The following LRRN2 variants were observed in gnomAD, a reference collection of about 807,000 sequenced individuals.
The protein encoded by LRRN2 is leucine-rich repeat neuronal protein 2.
In LRRN2, 10 loss-of-function variants were observed where a neutral mutation model predicts 35.7. That is an observed-to-expected ratio of 0.28 (90% CI 0.17 to 0.47). The LOEUF is 0.47. Ranked by LOEUF, LRRN2 falls within the 20% of genes least tolerant of loss-of-function variation. LRRN2 has a pLI of 0.99. For missense variants in LRRN2, 731 were observed against 940.3 expected, an observed-to-expected ratio of 0.78 and a Z score of 2.91; for synonymous variants, 391 against 409.6, an observed-to-expected ratio of 0.95 and a Z score of 0.55.
At chr1:204,647,437 C>T (rs1002589881) in intron 1 of LRRN2, among the ~76,000 whole-genome samples, 6 of 152,112 alleles carry the variant, frequency 3.9e-5, no homozygotes, top group African/African-American at 1.4e-4. Flanking sequence ...TTCAACAGGG[C>T]CAAAAAAGCA....
intron 1 of LRRN2, among the ~76,000 whole-genome samples, chr1:204,671,095 T>C (rs1440590979): frequency 6.6e-6 from 1 of 152,146 alleles, no homozygotes; most frequent in Non-Finnish European, 1.5e-5. Context: ...ATGGCCATGC[T>C]GTGGCCTCTG....
chr1:204,635,066 T>C (rs1485460200), intron 1 of LRRN2, among the ~76,000 whole-genome samples: 2 of 152,208 alleles, frequency 1.3e-5, no homozygotes, highest in African/African-American at 4.8e-5. Context: ...ATTGGTCAGG[T>C]GGGCAGGAAG....
chr1:204,669,525 G>A (rs1192941700), intron 1 of LRRN2, among the ~76,000 whole-genome samples: 2 of 152,240 alleles, frequency 1.3e-5, no homozygotes, highest in East Asian at 1.9e-4. Context: ...ATCATCATGT[G>A]TGTTATGAAG....
intron 1 of LRRN2, among the ~76,000 whole-genome samples, chr1:204,674,350 C>T (rs1026956968): frequency 2.0e-5 from 3 of 151,916 alleles, no homozygotes; most frequent in African/African-American, 7.3e-5. Flanking sequence ...TCCTGCCAAG[C>T]TCTGCAAATT....
rs777462040 is a variant in LRRN2 at position 204,619,947 on chromosome 1, C to T, written c.46G>A (p.Ala16Thr). 5.0e-6 allele frequency: 8 copies of T among 1,612,904 alleles called. No individual in the cohort carries two copies. In the East Asian group the frequency reaches 1.6e-4, roughly 31 times the overall value. Residue 16 changes from alanine to threonine, a missense_variant, in exon 2 of 2, where the codon GCC (alanine) becomes ACC (threonine). Physicochemically the swap from Ala to Thr is moderately conservative, Grantham distance 58 (BLOSUM62 0). Transcript: ENST00000367177. The stretch of plus-strand genomic sequence containing the variant: ...GGTACCACGGGCACAGCGGCAGTGG[C>T]ACCAGCCACCCAAGCTAGCAAGAGT... ...APLLLAWVAG[A>T]TAAVPVVPWH...
chr1:204,658,935 C>T (rs543231450), intron 1 of LRRN2, among the ~76,000 whole-genome samples: 1 of 152,350 alleles, frequency 6.6e-6, no homozygotes, highest in East Asian at 1.9e-4. Context: ...TCCCTCCTTG[C>T]TACTGTCATT....
chr1:204,626,940 TTC>T (rs1385712836), intron 1 of LRRN2: 1 of 145,760 alleles, frequency 6.9e-6, no homozygotes, highest in Non-Finnish European at 1.5e-5. Flanking sequence ...ACAAGGCTTT[TTC>T]TTTTTTCTTT....
intron 1 of LRRN2, among the ~76,000 whole-genome samples, chr1:204,651,790 C>T (rs1668230706): frequency 1.3e-5 from 2 of 152,182 alleles, no homozygotes; most frequent in South Asian, 4.1e-4. Flanking sequence ...AAAACTCTTT[C>T]AAATGGGGAC....
intron 1 of LRRN2, among the ~76,000 whole-genome samples, chr1:204,638,791 G>A (rs1667909886): frequency 6.6e-6 from 1 of 152,058 alleles, no homozygotes; most frequent in Non-Finnish European, 1.5e-5. Flanking sequence ...GCCCCATGAT[G>A]CCTAATCTGT....
At chr1:204,632,997 A>ACAAAATC (rs1667748003) in intron 1 of LRRN2, 1 of 152,134 alleles carries the variant, frequency 6.6e-6, no homozygotes. Flanking sequence ...AATATATCCC[A>ACAAAATC]CAAAATCCAT....
chr1:204,621,895 C>T (rs1388168294), intron 1 of LRRN2: 2 of 167,128 alleles, frequency 1.2e-5, no homozygotes, highest in African/African-American at 4.8e-5. Flanking sequence ...TGAGCACCTA[C>T]CATTGCTCAG....
intron 1 of LRRN2, among the ~76,000 whole-genome samples, chr1:204,657,392 A>G (rs1289067269): frequency 6.6e-6 from 1 of 150,566 alleles, no homozygotes; most frequent in Non-Finnish European, 1.5e-5. Context: ...TATCCATACA[A>G]TGCAATAATA....
At chr1:204,621,081 T>C (rs886453464) in intron 1 of LRRN2, 2 of 167,048 alleles carry the variant, frequency 1.2e-5, no homozygotes, top group African/African-American at 4.8e-5. Flanking sequence ...TGGGTGGGGA[T>C]ATTGCTTTGG....
intron 1 of LRRN2, chr1:204,629,727 TTATC>T (rs1297686198): frequency 6.1e-6 from 1 of 163,908 alleles, no homozygotes; most frequent in Non-Finnish European, 1.3e-5. Context: ...AGATATGTCT[TTATC>T]AGCAGTGTGA....
intron 1 of LRRN2, among the ~76,000 whole-genome samples, chr1:204,630,034 C>T (rs1333143622): frequency 6.6e-6 from 1 of 152,166 alleles, no homozygotes; most frequent in African/African-American, 2.4e-5. Flanking sequence ...CTCCAAACCC[C>T]AGCATCATGC....
chr1:204,637,894 A>G (rs538935290), intron 1 of LRRN2, among the ~76,000 whole-genome samples: 40 of 152,354 alleles, frequency 2.6e-4, no homozygotes, highest in African/African-American at 9.4e-4. Context: ...CTGGCAGCAG[A>G]CAAACTTTGT....
At chr1:204,629,464 C>T (rs780938197) in intron 1 of LRRN2, 13 of 153,056 alleles carry the variant, frequency 8.5e-5, no homozygotes, top group African/African-American at 2.7e-4. Flanking sequence ...AATTGTACTC[C>T]CATAATTCCC....
At chr1:204,673,704 G>A (rs1321936963) in intron 1 of LRRN2, among the ~76,000 whole-genome samples, 1 of 152,230 alleles carries the variant, frequency 6.6e-6, no homozygotes, top group African/African-American at 2.4e-5. Flanking sequence ...AAATCGTTCT[G>A]AGGTTGGCTA....
Position 204,619,166 on chromosome 1 carries a change from A to G in LRRN2, c.827T>C (p.Val276Ala). Residue 276 changes from valine to alanine, a missense_variant, in exon 2 of 2, where the codon GTA becomes GCA. Transcript: ENST00000367177. Reference protein sequence around the residue: ...LDLNKNPLQRVGPGDFANMLH... With the variant: ...LDLNKNPLQRAGPGDFANMLH... ...CATGTTGGCAAAGTCCCCCGGCCCT[A>G]CCCGCTGGAGCGGGTTCTTGTTGAG... The G allele has an allele frequency of 6.2e-7, 1 of 1,613,940 alleles. No individual in the cohort carries two copies. Among genetic ancestry groups the G allele is most frequent in the Non-Finnish European group, 8.5e-7 (1 of 1,179,996 alleles).
Sources: allele counts gnomAD v4.1 joint callset (sites outside exome capture counted in the v4.1 genomes callset), GRCh38; gene constraint gnomAD v4.1.1; transcripts MANE v1.5; gene names NCBI Gene and HGNC (gene_info 2026-07-23, HGNC 2026-07-21).